Variants in AGPAT3 observed in about 807,000 individuals in gnomAD.
The protein encoded by AGPAT3 is 1-acyl-sn-glycerol-3-phosphate acyltransferase gamma.
Under a neutral mutation model 47.3 loss-of-function variants are expected in AGPAT3, and 5 were observed. That is an observed-to-expected ratio of 0.11 (90% CI 0.06 to 0.22). The LOEUF is 0.22. Among genes scored for constraint, AGPAT3 ranks in the 10% least tolerant of loss-of-function variants. The probability of loss-of-function intolerance (pLI) is 1.00; values close to 1 mark genes in which losing one functional copy is unlikely to be tolerated. For synonymous variants in AGPAT3, 212 were observed against 208.3 expected (o/e 1.02, Z -0.15); for missense variants, 315 against 493.0 (o/e 0.64, Z 3.42).
intron 2 of AGPAT3, among the ~76,000 whole-genome samples, chr21:43,918,478 CAAGAG>C (rs879294781): frequency 1.3e-4 from 19 of 151,564 alleles, no homozygotes; most frequent in African/African-American, 2.2e-4. Flanking sequence ...GAAATGGAGA[CAAGAG>C]AAGAGAAGAG....
intron 1 of AGPAT3, among the ~76,000 whole-genome samples, chr21:43,891,201 CCT>C (rs1177998510): frequency 6.6e-6 from 1 of 152,162 alleles, no homozygotes; most frequent in Non-Finnish European, 1.5e-5. Context: ...TGGAGTCACT[CCT>C]CTCAAACCCT....
intron 7 of AGPAT3, among the ~76,000 whole-genome samples, chr21:43,977,061 TA>T (rs1277481919): frequency 6.6e-6 from 1 of 152,262 alleles, no homozygotes; most frequent in Non-Finnish European, 1.5e-5. Context: ...GTTACTCATT[TA>T]AAATTTTCCG....
intron 1 of AGPAT3, among the ~76,000 whole-genome samples, chr21:43,903,374 C>T (rs2086401863): frequency 6.6e-6 from 1 of 152,146 alleles, no homozygotes; most frequent in Non-Finnish European, 1.5e-5. Context: ...GCCCCTGAAC[C>T]ACATACCTAA....
At chr21:43,898,320 G>C (rs1331707451) in intron 1 of AGPAT3, among the ~76,000 whole-genome samples, 1 of 151,890 alleles carries the variant, frequency 6.6e-6, no homozygotes, top group Admixed American at 6.6e-5. Flanking sequence ...TGCTCTTTTT[G>C]AGTCAACTAT....
intron 2 of AGPAT3, among the ~76,000 whole-genome samples, chr21:43,938,887 G>A (rs568940137): frequency 1.3e-5 from 2 of 152,198 alleles, no homozygotes; most frequent in East Asian, 1.9e-4. Context: ...GAAGCCTTGT[G>A]GGGGGAAGGA....
chr21:43,870,180 G>A (rs572707199), intron 1 of AGPAT3, among the ~76,000 whole-genome samples: 3 of 152,186 alleles, frequency 2.0e-5, no homozygotes, highest in Non-Finnish European at 2.9e-5. Flanking sequence ...GCAGGGAGGC[G>A]AAGTGCTGGT....
chr21:43,930,585 C>T lies in AGPAT3; in HGVS notation c.-49+26566C>T, dbSNP rs1355786820. On this transcript the variant is annotated intron_variant, in intron 2 of 9. Transcript: ENST00000291572. This position sits in a 1 kb window ranked among gnomAD's most constrained non-coding sequence, Gnocchi z 5.0. The stretch of plus-strand genomic sequence containing the variant: ...CCCGTGAACTCAGAGGCTGCAGCTC[C>T]TGATTGTGGGTGTCCACAGTGGGCA... Among the ~76,000 whole-genome samples, 1 of 133,354 alleles carries T rather than the reference C, an allele frequency of 7.5e-6. No individual in the cohort carries two copies. The highest frequency in any genetic ancestry group is 1.6e-5 in the Non-Finnish European group (1 of 64,138). The allele number at this position is 133,354 out of a possible 152,430, so 87.5% of individuals were successfully genotyped here. A position where few individuals can be genotyped will look rare whatever the true frequency, so the allele number is the denominator to read the frequency against.
Position 43,933,485 on chromosome 21 carries a change from T to C in AGPAT3, c.-48-26149T>C, listed in dbSNP as rs1313238594. On this transcript the variant is annotated intron_variant, in intron 2 of 9. Transcript: ENST00000291572. This position sits in a 1 kb window ranked among gnomAD's most constrained non-coding sequence, Gnocchi z 6.0. ...GGGAAAGGTTTGGGAATATCGATGATGTCATCATACTCCTGGCTGCTTCTT... is the reference window on the plus strand; with the variant it reads ...GGGAAAGGTTTGGGAATATCGATGACGTCATCATACTCCTGGCTGCTTCTT... 6.6e-6 allele frequency among the ~76,000 whole-genome samples: 1 copy of C among 152,180 alleles called. No homozygotes were observed. Among genetic ancestry groups the C allele is most frequent in the African/African-American group, 2.4e-5 (1 of 41,432 alleles).
intron 1 of AGPAT3, among the ~76,000 whole-genome samples, chr21:43,900,499 C>A (rs546291572): frequency 1.8e-4 from 27 of 152,176 alleles, no homozygotes; most frequent in African/African-American, 6.3e-4. Context: ...GGGAGGGGAA[C>A]CAGGACCTGG....
rs536768255 is a variant in AGPAT3 at position 43,933,224 on chromosome 21, G to T, written c.-48-26410G>T. On this transcript the variant is annotated intron_variant, in intron 2 of 9. Coordinates refer to ENST00000291572, the MANE Select transcript of AGPAT3 (RefSeq NM_020132.5). This position sits in a 1 kb window ranked among gnomAD's most constrained non-coding sequence, Gnocchi z 6.0. ...GTGTGGCTCCTTCTGAGGCACAGCC[G>T]TTCGGGTCCTTTGCTGTTTGCTTTC... is the stretch of plus-strand genomic sequence containing the variant. Among the ~76,000 whole-genome samples, 1 of 152,178 alleles carries T rather than the reference G, an allele frequency of 6.6e-6. No homozygotes were observed. Among genetic ancestry groups the T allele is most frequent in the East Asian group, 1.9e-4 (1 of 5,160 alleles).
Position 43,985,397 on chromosome 21 carries a change from TA to T in AGPAT3, c.*3020del, listed in dbSNP as rs112367723. 0.14 allele frequency: 37,369 copies of T among 271,518 alleles called. No homozygotes were observed. Among genetic ancestry groups the T allele is most frequent in the South Asian group, 0.21 (6,680 of 32,304 alleles). 16.8% of individuals were successfully genotyped at this position (271,518 alleles called of 1,614,324 possible). On this transcript the variant is annotated 3_prime_UTR_variant, in exon 10 of 10. Coordinates refer to ENST00000291572, the MANE Select transcript of AGPAT3 (RefSeq NM_020132.5). ...ACAATGTAAGCAGCACTTTCTTGTG[TA>T]AAAAAAAAAAAAAAGCACGTCCTGT... is the stretch of plus-strand genomic sequence containing the variant.
rs562118927 is a variant in AGPAT3 at position 43,981,871 on chromosome 21, C to A, written c.1043-433C>A. ...CTGAGAGGCAGTGACTGCCACCAGC[C>A]TCTCCCATTGGACTACGAGATGACT... is the stretch of plus-strand genomic sequence containing the variant. On this transcript the variant is annotated intron_variant, in intron 9 of 9. Transcript: ENST00000291572. This position sits in a 1 kb window ranked among gnomAD's most constrained non-coding sequence, Gnocchi z 5.3. 6.6e-6 allele frequency among the ~76,000 whole-genome samples: 1 copy of A among 152,224 alleles called. No homozygotes were observed. Among genetic ancestry groups the A allele is most frequent in the East Asian group, 1.9e-4 (1 of 5,202 alleles).
At chr21:43,900,136 C>T (rs1047424010) in intron 1 of AGPAT3, among the ~76,000 whole-genome samples, 2 of 152,186 alleles carry the variant, frequency 1.3e-5, no homozygotes, top group South Asian at 2.1e-4. Flanking sequence ...AGACGGCTGT[C>T]AAGCTGGCTC....
intron 2 of AGPAT3, among the ~76,000 whole-genome samples, chr21:43,913,599 G>A (rs1323651422): frequency 6.6e-6 from 1 of 152,146 alleles, no homozygotes; most frequent in Non-Finnish European, 1.5e-5. Flanking sequence ...AAAAATTATT[G>A]AGGACCCCAA....
intron 3 of AGPAT3, chr21:43,960,664 T>C: frequency 1.2e-6 from 1 of 835,884 alleles, no homozygotes; most frequent in Non-Finnish European, 1.4e-6. Context: ...CAAGCACCTG[T>C]CACTGGAGAC....
intron 1 of AGPAT3, among the ~76,000 whole-genome samples, chr21:43,893,972 C>T (rs571389165): frequency 3.3e-5 from 5 of 152,272 alleles, no homozygotes; most frequent in East Asian, 1.9e-4. Flanking sequence ...GTTGGAAAAA[C>T]GTGGCCGATA....
At chr21:43,975,798 C>T (rs1376132230) in intron 7 of AGPAT3, among the ~76,000 whole-genome samples, 1 of 152,148 alleles carries the variant, frequency 6.6e-6, no homozygotes, top group Non-Finnish European at 1.5e-5. Flanking sequence ...CATAAAGGTC[C>T]ACGATGAGCC....
intron 1 of AGPAT3, among the ~76,000 whole-genome samples, chr21:43,889,752 A>C (rs548721255): frequency 1.3e-5 from 2 of 152,320 alleles, no homozygotes; most frequent in East Asian, 1.9e-4. Flanking sequence ...TCTAAAAAAA[A>C]CAGTGTGCAT....
intron 2 of AGPAT3, among the ~76,000 whole-genome samples, chr21:43,950,110 G>A (rs373187088): frequency 9.6e-4 from 147 of 152,366 alleles, no homozygotes; most frequent in African/African-American, 3.4e-3. Flanking sequence ...AGAGCTGCCA[G>A]TGACCTAGAG....
Sources: gnomAD v4.1 joint callset for allele counts (sites outside exome capture counted in the v4.1 genomes callset) on GRCh38, gnomAD v4.1.1 for gene constraint, Gnocchi (gnomAD v3.1) non-coding constraint, MANE v1.5 for transcripts, NCBI Gene and HGNC (gene_info 2026-07-23, HGNC 2026-07-21) for gene names.